Variants in FANCD2OS observed in about 807,000 individuals in gnomAD.
FANCD2OS encodes the protein FANCD2 opposite strand, also known as FANCD2 opposite strand protein.
FANCD2OS carries 11 observed loss-of-function variants against 13.2 expected under a neutral mutation model. The ratio of observed to expected loss-of-function variants is 0.83; its 90% CI spans 0.52 to 1.38. The LOEUF (loss-of-function observed/expected upper bound fraction) is 1.38. FANCD2OS is among the 40% of genes most tolerant of loss of function. The pLI is 0.00. For missense variants in FANCD2OS, 217 were observed against 213.9 expected, an observed-to-expected ratio of 1.01 and a Z score of -0.09; for synonymous variants, 69 against 84.5, an observed-to-expected ratio of 0.82 and a Z score of 1.01.
intron 2 of FANCD2OS, among the ~76,000 whole-genome samples, chr3:10,093,011 T>A (rs995991374): frequency 1.3e-5 from 2 of 152,130 alleles, no homozygotes; most frequent in African/African-American, 4.8e-5. Context: ...CTTTCTTAAG[T>A]CTTCAGATCA....
At chr3:10,082,560 C>G (rs1693909696) in intron 2 of FANCD2OS, among the ~76,000 whole-genome samples, 1 of 152,156 alleles carries the variant, frequency 6.6e-6, no homozygotes, top group African/African-American at 2.4e-5. Flanking sequence ...TATACTCTGC[C>G]TCCAGCCTCA....
At chr3:10,099,103 C>T, downstream of FANCD2OS, 1 of 1,518,770 alleles carries the variant, frequency 6.6e-7, no homozygotes, top group Non-Finnish European at 8.8e-7. Flanking sequence ...ATATCTGAAA[C>T]CATTTTAGAA....
rs142043029 is a variant in FANCD2OS at position 10,086,876 on chromosome 3, G to A, written c.*44-5345C>T. Among the ~76,000 whole-genome samples the A allele has an allele frequency of 6.4e-3, 967 of 152,260 alleles. 3 individuals carry two copies. The highest frequency in any genetic ancestry group is 9.1e-3 in the Non-Finnish European group (617 of 68,030). ...TTGTACATATTAGCGTGGTGCTTGG[G>A]TTTCTCAGCATACATGACCCCTTCA... On this transcript the variant is annotated intron_variant, in intron 2 of 2. Transcript: ENST00000524279.
chr3:10,099,151 G>A, downstream of FANCD2OS: 3 of 1,455,562 alleles, frequency 2.1e-6, no homozygotes, highest in Non-Finnish European at 2.7e-6. Context: ...GTGTTGAGAA[G>A]AATGAGTTAA....
intron 2 of FANCD2OS, among the ~76,000 whole-genome samples, chr3:10,093,612 C>A (rs1283594623): frequency 6.6e-6 from 1 of 152,104 alleles, no homozygotes; most frequent in African/African-American, 2.4e-5. Context: ...CCATTCCTTA[C>A]CAGGCAAAAG....
intron 2 of FANCD2OS, chr3:10,095,073 A>G: frequency 1.3e-6 from 1 of 769,816 alleles, no homozygotes; most frequent in South Asian, 1.5e-5. Flanking sequence ...GCAAATTAAG[A>G]TGATTATCAG....
intron 2 of FANCD2OS, among the ~76,000 whole-genome samples, chr3:10,096,085 C>T (rs1028723275): frequency 3.3e-5 from 5 of 152,102 alleles, no homozygotes; most frequent in African/African-American, 9.7e-5. Context: ...CATTGAAGAT[C>T]GGCCAGTAAG....
chr3:10,101,868 A>T, downstream of FANCD2OS: 1 of 188,072 alleles, frequency 5.3e-6, no homozygotes, highest in Non-Finnish European at 1.1e-5. Flanking sequence ...TAGTTTTGAA[A>T]CTCTGATTTA....
At chr3:10,092,926 A>G (rs1164033542) in intron 2 of FANCD2OS, among the ~76,000 whole-genome samples, 1 of 151,952 alleles carries the variant, frequency 6.6e-6, no homozygotes, top group Non-Finnish European at 1.5e-5. Flanking sequence ...TCCTGGGCTC[A>G]AGTGATCCAC....
chr3:10,093,423 G>T, intron 2 of FANCD2OS: 1 of 1,034,854 alleles, frequency 9.7e-7, no homozygotes, highest in Non-Finnish European at 1.5e-6. Context: ...TTGCCCACAA[G>T]CCAGAGTTTC....
intron 2 of FANCD2OS, among the ~76,000 whole-genome samples, chr3:10,092,936 C>G (rs544084214): frequency 6.6e-6 from 1 of 152,184 alleles, no homozygotes; most frequent in East Asian, 1.9e-4. Context: ...AAGTGATCCA[C>G]CAGCCTCAGC....
At chr3:10,105,749 TAAAAA>T (rs142496934) in intron 1 of FANCD2OS, among the ~76,000 whole-genome samples, 1 of 22,268 alleles carries the variant, frequency 4.5e-5, no homozygotes, top group African/African-American at 2.3e-4. Flanking sequence ...AGACTCCATC[TAAAAA>T]AAAAAAAAAA....
intron 1 of FANCD2OS, among the ~76,000 whole-genome samples, chr3:10,105,764 AAAAAAAATTATATATATATATATAT>A (rs1412055718): frequency 1.6e-4 from 11 of 67,088 alleles, no homozygotes; most frequent in Admixed American, 3.5e-4. Context: ...AAAAAAAAAA[AAAAAAAATTATATATATATATATAT>A]ATATATATAT....
downstream of FANCD2OS, chr3:10,098,645 A>C: frequency 6.4e-7 from 1 of 1,561,802 alleles, no homozygotes; most frequent in Non-Finnish European, 8.7e-7. Context: ...TATTGCCTGT[A>C]AACTCAACCT....
rs1017531596 is a variant in FANCD2OS, at chr3:10,089,036, A to G, written c.*44-7505T>C. 111 of 1,465,276 alleles carry G rather than the reference A, an allele frequency of 7.6e-5. No homozygotes were observed. In the Admixed American group the frequency reaches 8.9e-4, roughly 12 times the overall value. 90.8% of individuals were successfully genotyped at this position (1,465,276 alleles called of 1,614,324 possible). A position where few individuals can be genotyped will look rare whatever the true frequency, so the allele number is the denominator to read the frequency against. On this transcript the variant is annotated intron_variant, in intron 2 of 2. Transcript: ENST00000524279. ...GGTGGCACACACCTGTAATCCCAGC[A>G]CTTTGGGAGGCTGAGGCAGGAGGAT...
At chr3:10,101,123 T>C, downstream of FANCD2OS, 1 of 1,200,868 alleles carries the variant, frequency 8.3e-7, no homozygotes, top group Non-Finnish European at 1.2e-6. Context: ...CTCTAGGAGC[T>C]GTATTCCAGA....
At chr3:10,087,144 C>T (rs775247764) in intron 2 of FANCD2OS, 1 of 1,613,912 alleles carries the variant, frequency 6.2e-7, no homozygotes. Flanking sequence ...CCAGAGCGTC[C>T]ATTACTTGCA....
At chr3:10,106,929 A>G (rs566325346) in intron 1 of FANCD2OS, among the ~76,000 whole-genome samples, 5 of 152,348 alleles carry the variant, frequency 3.3e-5, no homozygotes, top group African/African-American at 1.2e-4. Flanking sequence ...CGTTGGTGAC[A>G]TTTCAGACCA....
chr3:10,100,172 C>T (rs984211533), downstream of FANCD2OS, among the ~76,000 whole-genome samples: 1 of 152,134 alleles, frequency 6.6e-6, no homozygotes. Context: ...AGAGCGAGAC[C>T]CTGTCTCAAA....
Sources: gnomAD v4.1 joint callset for allele counts (sites outside exome capture counted in the v4.1 genomes callset) on GRCh38, gnomAD v4.1.1 for gene constraint, MANE v1.5 for transcripts, NCBI Gene and HGNC (gene_info 2026-07-23, HGNC 2026-07-21) for gene names.